EPHA8: variants seen among roughly 807,000 people sequenced by gnomAD.
EPHA8 encodes ephrin type-A receptor 8.
EPHA8 carries 58 observed loss-of-function variants against 103.6 expected under a neutral mutation model. That is an observed-to-expected ratio of 0.56 (90% CI 0.45 to 0.70). The LOEUF (loss-of-function observed/expected upper bound fraction) is 0.70. Among genes scored for constraint, EPHA8 ranks in the 30% least tolerant of loss-of-function variants. EPHA8 has a pLI of 0.00. For synonymous variants in EPHA8, 559 were observed against 572.5 expected (o/e 0.98, Z 0.34); for missense variants, 1,304 against 1,395.2 (o/e 0.93, Z 1.04).
At chr1:22,579,113 G>T (rs1420629712) in intron 3 of EPHA8, among the ~76,000 whole-genome samples, 1 of 148,388 alleles carries the variant, frequency 6.7e-6, no homozygotes, top group Non-Finnish European at 1.5e-5. Context: ...ATGTGTGCAT[G>T]TGTACGTGTA....
intron 3 of EPHA8, among the ~76,000 whole-genome samples, chr1:22,584,426 T>G (rs545998999): frequency 6.6e-6 from 1 of 152,380 alleles, no homozygotes; most frequent in South Asian, 2.1e-4. Context: ...TTTCTGGCTC[T>G]GCAGCCTTCT....
chr1:22,597,436 C>G lies in EPHA8; in HGVS notation c.1890C>G (p.Ile630Met), dbSNP rs369284774. 1.2e-6 allele frequency: 2 copies of G among 1,613,338 alleles called. No individual in the cohort carries two copies. The highest frequency in any genetic ancestry group is 2.7e-5 in the African/African-American group (2 of 74,940). ...GRAGRSFTRE[I>M]EASRIHIEKI... is the part of the protein sequence containing the mutation. ...CGGGCCGCAGTTTCACTCGGGAGAT[C>G]GAGGCCTCTAGGATCCACATCGAGA... The change falls in exon 10 of 17, where the codon ATC becomes ATG. Residue 630 changes from isoleucine to methionine, a missense_variant. Physicochemically the swap from Ile to Met is conservative, Grantham distance 10. Transcript: ENST00000166244. This position sits in a 1 kb window ranked among gnomAD's most constrained non-coding sequence, Gnocchi z 4.6.
intron 2 of EPHA8, among the ~76,000 whole-genome samples, chr1:22,575,412 C>T (rs929632138): frequency 6.6e-6 from 1 of 151,942 alleles, no homozygotes; most frequent in East Asian, 2.0e-4. Context: ...TGTTCAAGTC[C>T]TTTGCCCATT....
chr1:22,586,648 C>A lies in EPHA8; in HGVS notation c.979+13C>A. ...TCAGCCTGCACCCGTGAGTACCACTCCGAGATGCCAGTACCCTTGAGCCCA... is the reference window on the plus strand; with the variant it reads ...TCAGCCTGCACCCGTGAGTACCACTACGAGATGCCAGTACCCTTGAGCCCA... On this transcript the variant is annotated intron_variant, in intron 4 of 16. Coordinates refer to ENST00000166244, the MANE Select transcript of EPHA8 (RefSeq NM_020526.5). The A allele has an allele frequency of 6.2e-7, 1 of 1,612,908 alleles. No individual in the cohort carries two copies. The highest frequency in any genetic ancestry group is 8.5e-7 in the Non-Finnish European group (1 of 1,179,262).
intron 2 of EPHA8, among the ~76,000 whole-genome samples, chr1:22,571,107 G>T (rs1569951467): frequency 6.6e-6 from 1 of 152,228 alleles, no homozygotes; most frequent in South Asian, 2.1e-4. Context: ...GGTGTTTAGG[G>T]TAGTGAGGAA....
At chr1:22,581,574 G>C (rs573229113) in intron 3 of EPHA8, among the ~76,000 whole-genome samples, 1 of 152,182 alleles carries the variant, frequency 6.6e-6, no homozygotes, top group African/African-American at 2.4e-5. Flanking sequence ...CAGCACATCA[G>C]GGGTGGGGCT....
intron 4 of EPHA8, 147 bp downstream of exon 4, chr1:22,586,782 G>GGGTA: frequency 4.1e-6 from 4 of 976,568 alleles, no homozygotes; most frequent in Non-Finnish European, 4.3e-6. Context: ...GTCTGAGGTG[G>GGGTA]GGGGGGTGAC....
chr1:22,566,208 T>C (rs975413132), intron 1 of EPHA8, among the ~76,000 whole-genome samples: 2 of 152,172 alleles, frequency 1.3e-5, no homozygotes, highest in Non-Finnish European at 2.9e-5. Flanking sequence ...CAAGGCTGCT[T>C]ATTGCTCTCT....
chr1:22,581,787 A>G (rs962940807), intron 3 of EPHA8, among the ~76,000 whole-genome samples: 1 of 152,286 alleles, frequency 6.6e-6, no homozygotes, highest in Non-Finnish European at 1.5e-5. Context: ...AGATAATTAC[A>G]GGTTTTATAA....
intron 1 of EPHA8, among the ~76,000 whole-genome samples, chr1:22,568,531 G>A (rs1409145370): frequency 2.0e-5 from 3 of 152,182 alleles, no homozygotes; most frequent in South Asian, 2.1e-4. Flanking sequence ...CCTGAGGCTC[G>A]GTTCTTTTAT....
chr1:22,589,029 G>A lies in EPHA8; in HGVS notation c.1138G>A (p.Gly380Arg), dbSNP rs1641298817. 1.2e-6 allele frequency: 2 copies of A among 1,612,668 alleles called. No homozygotes were observed. Among genetic ancestry groups the A allele is most frequent in the Non-Finnish European group, 1.7e-6 (2 of 1,179,412 alleles). ...PWALSRCEAC[G>R]SGTRFVPQQT... Reference sequence around the variant, plus strand: ...GGCACTGAGCCGCTGCGAGGCATGTGGGAGCGGCACCCGCTTTGTGCCCCA... The same window carrying A: ...GGCACTGAGCCGCTGCGAGGCATGTAGGAGCGGCACCCGCTTTGTGCCCCA... Residue 380 changes from glycine (G) to arginine (R), a missense_variant, in exon 5 of 17, where the codon GGG becomes AGG. Physicochemically the swap from Gly to Arg is moderately radical, Grantham distance 125. Coordinates refer to ENST00000166244, the MANE Select transcript of EPHA8 (RefSeq NM_020526.5). This position sits in a 1 kb window ranked among gnomAD's most constrained non-coding sequence, Gnocchi z 4.3.
rs1344635601 is a variant in EPHA8 at position 22,599,953 on chromosome 1, GAGGGAGGA to G, written c.2389-704_2389-697del. 1.2e-4 allele frequency among the ~76,000 whole-genome samples: 9 copies of G among 76,762 alleles called. No homozygotes were observed. The East Asian group carries it at 2.4e-3, about 21-fold the overall frequency. The allele number at this position is 76,762 out of a possible 152,430, so 50.4% of individuals were successfully genotyped here. A position where few individuals can be genotyped will look rare whatever the true frequency, so the allele number is the denominator to read the frequency against. On this transcript the variant is annotated intron_variant, in intron 13 of 16. Transcript: ENST00000166244. ...GGAGGGAGTGGGGGAGGGAGGGAGG[GAGGGAGGA>G]AGGAAGGACAAGAAGGAAGGAGAGA...
In EPHA8 at chr1:22,576,649, C is replaced by T. The variant is rs1333861109; in HGVS notation, c.592C>T (p.Arg198Cys). 6 of 1,613,794 alleles carry T rather than the reference C, an allele frequency of 3.7e-6. No homozygotes were observed. Among genetic ancestry groups the T allele is most frequent in the African/African-American group, 1.3e-5 (1 of 74,906 alleles). Residue 198 changes from arginine (R) to cysteine (C), a missense_variant, in exon 3 of 17, where the codon CGC (arginine) becomes TGC (cysteine). Transcript: ENST00000166244. The surrounding 1 kb of genome is among the most constrained non-coding windows in gnomAD (Gnocchi z 4.8). ...TGCCTGCCTGGCCATCCTCTCTCTC[C>T]GCATCTACTATAAGAAGTGCCCTGC... ...IGACLAILSL[R>C]IYYKKCPAMV...
Position 22,603,253 on chromosome 1 carries a change from GTC to G in EPHA8, c.*1515_*1516del, listed in dbSNP as rs1172223478. ...TCTCCCTCCTGCAATAATTCGGGGA[GTC>G]TCAGCCCCATCCAGGTGCCGCGGCC... On this transcript the variant is annotated 3_prime_UTR_variant, in exon 17 of 17. Coordinates refer to ENST00000166244, the MANE Select transcript of EPHA8 (RefSeq NM_020526.5). 1 of 152,506 alleles carries G rather than the reference GTC, an allele frequency of 6.6e-6. No individual in the cohort carries two copies. The highest frequency in any genetic ancestry group is 1.5e-5 in the Non-Finnish European group (1 of 68,094). The allele number at this position is 152,506 out of a possible 1,614,324, so 9.4% of individuals were successfully genotyped here.
chr1:22,590,410 C>T (rs906969334), intron 5 of EPHA8, among the ~76,000 whole-genome samples: 10 of 152,190 alleles, frequency 6.6e-5, no homozygotes, highest in Non-Finnish European at 8.8e-5. Flanking sequence ...CCTCTCTGTC[C>T]GTGCCTGGCG....
At position 22,590,886 on chromosome 1, in the gene EPHA8, G is replaced by T. The variant is rs535910995; in HGVS notation, c.1315+1680G>T. On this transcript the variant is annotated intron_variant, in intron 5 of 16. Transcript: ENST00000166244. Reference sequence around the variant, plus strand: ...ACCCTGCCACACCTGCACCTGCCCCGCCCTAGGACATGGCACCTCCAGACC... The same window carrying T: ...ACCCTGCCACACCTGCACCTGCCCCTCCCTAGGACATGGCACCTCCAGACC... Among the ~76,000 whole-genome samples the T allele has an allele frequency of 2.6e-5, 4 of 151,886 alleles. No homozygotes were observed. The East Asian group carries it at 7.7e-4, about 29-fold the overall frequency.
At chr1:22,584,994 G>T (rs545217589) in intron 3 of EPHA8, among the ~76,000 whole-genome samples, 2 of 151,822 alleles carry the variant, frequency 1.3e-5, no homozygotes, top group Non-Finnish European at 2.9e-5. Context: ...CCAAGCAGGG[G>T]CCGCAGGAGC....
rs192480881 is a variant in EPHA8, at chr1:22,578,630, C to T, written c.823+1750C>T. On this transcript the variant is annotated intron_variant, in intron 3 of 16. Transcript: ENST00000166244. Reference sequence around the variant, plus strand: ...GCATGAGTGTATGTCTGCGTGTGTGCATGTGTGTATGTGTATGTGTGTGCA... The same window carrying T: ...GCATGAGTGTATGTCTGCGTGTGTGTATGTGTGTATGTGTATGTGTGTGCA... Among the ~76,000 whole-genome samples the T allele has an allele frequency of 5.7e-3, 813 of 141,564 alleles. 5 individuals carry two copies. The highest frequency in any genetic ancestry group is 0.02 in the African/African-American group (734 of 36,192). 92.9% of individuals were successfully genotyped at this position (141,564 alleles called of 152,430 possible).
intron 7 of EPHA8, among the ~76,000 whole-genome samples, chr1:22,594,450 C>T (rs1480251866): frequency 6.6e-6 from 1 of 152,242 alleles, no homozygotes. Context: ...TCCCAGTCCT[C>T]ACCCCAGCCC....
Sources: allele counts gnomAD v4.1 joint callset (sites outside exome capture counted in the v4.1 genomes callset), GRCh38; gene constraint gnomAD v4.1.1; non-coding constraint Gnocchi (gnomAD v3.1); transcripts MANE v1.5; gene names NCBI Gene and HGNC (gene_info 2026-07-23, HGNC 2026-07-21).